The following SOX6 variants were observed in gnomAD, a reference collection of about 807,000 sequenced individuals.
SOX6 encodes SRY-box transcription factor 6.
In SOX6, 11 loss-of-function variants were observed where a neutral mutation model predicts 97.8. That is an observed-to-expected ratio of 0.11 (90% CI 0.07 to 0.19). The LOEUF (loss-of-function observed/expected upper bound fraction) is 0.19. Among genes scored for constraint, SOX6 ranks in the 10% least tolerant of loss-of-function variants. The pLI is 1.00. For missense variants in SOX6, 810 were observed against 1,039.5 expected, an observed-to-expected ratio of 0.78 and a Z score of 3.04; for synonymous variants, 360 against 371.4, an observed-to-expected ratio of 0.97 and a Z score of 0.35.
chr11:16,662,781 C>T (rs1415883467), intron 3 of SOX6, among the ~76,000 whole-genome samples: 1 of 152,180 alleles, frequency 6.6e-6, no homozygotes, highest in Non-Finnish European at 1.5e-5. Flanking sequence ...GCAGCCTCAA[C>T]CTCCTGGGTT....
chr11:16,696,534 T>A (rs1016050310), intron 3 of SOX6, among the ~76,000 whole-genome samples: 3 of 152,230 alleles, frequency 2.0e-5, no homozygotes, highest in Non-Finnish European at 4.4e-5. Context: ...GTGAGTCACA[T>A]GAATTTTTTT....
intron 4 of SOX6, among the ~76,000 whole-genome samples, chr11:16,485,450 T>G (rs2133127807): frequency 6.6e-6 from 1 of 151,822 alleles, no homozygotes; most frequent in Non-Finnish European, 1.5e-5. Context: ...TTAGCCAGGC[T>G]GCCAGGTGCA....
chr11:16,605,109 A>AAG lies in SOX6; in HGVS notation n.609+6971_609+6972insCT, dbSNP rs1333653469. Among the ~76,000 whole-genome samples the AAG allele has an allele frequency of 6.6e-6, 1 of 151,500 alleles. No homozygotes were observed. The highest frequency in any genetic ancestry group is 1.5e-5 in the Non-Finnish European group (1 of 67,846). ...GCTGGGTCCCGGGGCGGGTGGCAGC[A>AAG]CCGCCCCCTGCCCTGGGCCGAGCCC... On this transcript the variant is annotated intron_variant and non_coding_transcript_variant, in intron 4 of 5. Coordinates refer to the SOX6 transcript ENST00000524520. This position sits in a 1 kb window ranked among gnomAD's most constrained non-coding sequence, Gnocchi z 5.3.
At chr11:16,217,132 A>C (rs1366261932) in intron 4 of SOX6, among the ~76,000 whole-genome samples, 1 of 152,168 alleles carries the variant, frequency 6.6e-6, no homozygotes, top group Non-Finnish European at 1.5e-5. Context: ...TTTCTTAATA[A>C]ACTTCTATTT....
At chr11:15,995,866 C>T (rs1379517690) in intron 13 of SOX6, among the ~76,000 whole-genome samples, 2 of 152,096 alleles carry the variant, frequency 1.3e-5, no homozygotes, top group Non-Finnish European at 1.5e-5. Context: ...GAGTTTTATC[C>T]AGTGAACATA....
chr11:16,032,629 T>C (rs1438481116), intron 12 of SOX6, among the ~76,000 whole-genome samples: 1 of 152,066 alleles, frequency 6.6e-6, no homozygotes, highest in Non-Finnish European at 1.5e-5. Flanking sequence ...TCTCTCTCTC[T>C]CTCTTTCTCA....
intron 2 of SOX6, among the ~76,000 whole-genome samples, chr11:16,721,284 G>A (rs967549364): frequency 5.3e-5 from 8 of 152,128 alleles, no homozygotes; most frequent in Non-Finnish European, 1.0e-4. Context: ...AATGTGAACC[G>A]CTATTCTCTT....
rs561257262 is a variant in SOX6, at chr11:16,604,617, C to T, written n.609+7464G>A. 3.9e-5 allele frequency among the ~76,000 whole-genome samples: 6 copies of T among 152,296 alleles called. No individual in the cohort carries two copies. In the South Asian group the frequency reaches 1.2e-3, roughly 32 times the overall value. Reference sequence around the variant, plus strand: ...AGCCCAGCCCAGTTTGCCGCAAGGACGGCTTCGGGCCACCTCTAGCCCTAA... The same window carrying T: ...AGCCCAGCCCAGTTTGCCGCAAGGATGGCTTCGGGCCACCTCTAGCCCTAA... On this transcript the variant is annotated intron_variant and non_coding_transcript_variant, in intron 4 of 5. Coordinates refer to the SOX6 transcript ENST00000524520.
At chr11:16,166,070 A>G in intron 6 of SOX6, among the ~76,000 whole-genome samples, 1 of 152,208 alleles carries the variant, frequency 6.6e-6, no homozygotes, top group East Asian at 1.9e-4. Context: ...ATGAAGGACA[A>G]TGAAACTGTA....
chr11:16,542,678 A>G (rs987543404), intron 4 of SOX6, among the ~76,000 whole-genome samples: 4 of 152,148 alleles, frequency 2.6e-5, no homozygotes, highest in Non-Finnish European at 5.9e-5. Flanking sequence ...AATTAAACAG[A>G]AAATCAAGAT....
In SOX6 at chr11:16,516,518, T is replaced by C. The variant is rs370807677; in HGVS notation, n.610-40130A>G. 1.5e-4 allele frequency among the ~76,000 whole-genome samples: 23 copies of C among 152,148 alleles called. 1 individual carries two copies. In the East Asian group the frequency reaches 2.3e-3, roughly 15 times the overall value. The stretch of plus-strand genomic sequence containing the variant: ...GATATCACCACCGATCCCACAGAAA[T>C]ACAAACTACCATCAGAGAATACTAC... On this transcript the variant is annotated intron_variant and non_coding_transcript_variant, in intron 4 of 5. Transcript: ENST00000524520.
chr11:16,022,939 C>T (rs1225368341), intron 12 of SOX6, among the ~76,000 whole-genome samples: 1 of 152,144 alleles, frequency 6.6e-6, no homozygotes, highest in Non-Finnish European at 1.5e-5. Flanking sequence ...AGTTTATACT[C>T]CCTGTTACAA....
intron 4 of SOX6, among the ~76,000 whole-genome samples, chr11:16,499,809 C>T (rs1446697999): frequency 6.6e-6 from 1 of 152,060 alleles, no homozygotes; most frequent in Non-Finnish European, 1.5e-5. Context: ...GAAATTGAGG[C>T]AATAATTAAT....
intron 10 of SOX6, among the ~76,000 whole-genome samples, chr11:16,051,603 C>G (rs538282730): frequency 6.6e-6 from 1 of 152,090 alleles, no homozygotes; most frequent in East Asian, 1.9e-4. Flanking sequence ...AATTTACTTC[C>G]CTTTGCTCTT....
intron 6 of SOX6, among the ~76,000 whole-genome samples, chr11:16,154,505 A>G (rs1850546093): frequency 6.6e-6 from 1 of 152,016 alleles, no homozygotes; most frequent in African/African-American, 2.4e-5. Flanking sequence ...TTTCTGCTCT[A>G]TTGTGCTCCC....
At chr11:16,095,808 G>A (rs1325956416) in intron 9 of SOX6, among the ~76,000 whole-genome samples, 188 bp downstream of exon 9, 1 of 151,478 alleles carries the variant, frequency 6.6e-6, no homozygotes. Context: ...CATTGCTTTG[G>A]GATTTGCTTT....
intron 12 of SOX6, chr11:16,031,362 C>A (rs961774434): frequency 4.4e-4 from 67 of 152,150 alleles, no homozygotes; most frequent in Admixed American, 3.9e-4. Flanking sequence ...CATTGCACAG[C>A]CATTTAAATA....
intron 6 of SOX6, among the ~76,000 whole-genome samples, chr11:16,141,935 G>C (rs1445340827): frequency 6.6e-6 from 1 of 152,162 alleles, no homozygotes; most frequent in Non-Finnish European, 1.5e-5. Flanking sequence ...AGGCAGGGCA[G>C]AGCTGAACAA....
intron 13 of SOX6, among the ~76,000 whole-genome samples, chr11:15,990,527 A>G (rs938815918): frequency 1.1e-4 from 16 of 152,082 alleles, no homozygotes; most frequent in African/African-American, 3.6e-4. Flanking sequence ...TACTTGGCAC[A>G]TAGGATTTCA....
Sources: allele counts gnomAD v4.1 joint callset (sites outside exome capture counted in the v4.1 genomes callset), GRCh38; gene constraint gnomAD v4.1.1; non-coding constraint Gnocchi (gnomAD v3.1); transcripts MANE v1.5; gene names NCBI Gene and HGNC (gene_info 2026-07-23, HGNC 2026-07-21).